The following RIF1 variants were observed in gnomAD, a reference collection of about 807,000 sequenced individuals.
The protein encoded by RIF1 is replication timing regulatory factor 1.
A neutral mutation model predicts 247.1 loss-of-function variants in RIF1; 45 were observed. The ratio of observed to expected loss-of-function variants is 0.18; its 90% confidence interval spans 0.14 to 0.23. RIF1 has a LOEUF of 0.23. RIF1 is among the 10% of genes least tolerant of loss of function. RIF1 has a pLI of 1.00. For synonymous variants in RIF1, 1,087 were observed against 978.8 expected, an observed-to-expected ratio of 1.11 and a Z score of -2.06; for missense variants, 2,967 against 2,862.5, an observed-to-expected ratio of 1.04 and a Z score of -0.83.
At chr2:151,503,244 C>A in intron 12 of RIF1, 1 of 821,018 alleles carries the variant, frequency 1.2e-6, no homozygotes, top group Non-Finnish European at 2.0e-6. Context: ...CACACACAGA[C>A]ACACACAGAA....
chr2:151,414,974 GTA>G (rs1282460911), intron 4 of RIF1, 55 bp downstream of exon 4: 6 of 1,118,638 alleles, frequency 5.4e-6, no homozygotes, highest in Admixed American at 2.0e-5. Flanking sequence ...TAAGTTTTAA[GTA>G]TAAGTAGTTT....
chr2:151,468,283 T>A, intron 31 of RIF1, 137 bp downstream of exon 31: 1 of 929,642 alleles, frequency 1.1e-6, no homozygotes, highest in Non-Finnish European at 1.6e-6. Flanking sequence ...TGGTACACGG[T>A]AAGCAGAAAG....
In RIF1 at chr2:151,445,331, GT is replaced by G. The variant is rs1373090244; in HGVS notation, c.1987-3del. The G allele has an allele frequency of 1.1e-5, 16 of 1,473,998 alleles. No homozygotes were observed. The highest frequency in any genetic ancestry group is 1.4e-5 in the Non-Finnish European group (15 of 1,052,474). 91.3% of individuals were successfully genotyped at this position (1,473,998 alleles called of 1,614,324 possible). ...TTTGTCTAACTTCATTATTTTTCTT[GT>G]TTTAGACCAATGAAGTAAATCAAGG... On this transcript the variant is annotated splice_region_variant and splice_polypyrimidine_tract_variant and intron_variant, in intron 18 of 35. Coordinates refer to ENST00000444746, the MANE Select transcript of RIF1 (RefSeq NM_018151.5).
chr2:151,444,873 G>A (rs1410689320), intron 18 of RIF1, among the ~76,000 whole-genome samples: 1 of 152,148 alleles, frequency 6.6e-6, no homozygotes, highest in Non-Finnish European at 1.5e-5. Context: ...TAAAACTACA[G>A]GGATTTATTC....
chr2:151,455,055 C>T lies in RIF1; in HGVS notation c.2505C>T (p.Thr835=), dbSNP rs150158404. The T allele has an allele frequency of 1.8e-4, 289 of 1,613,674 alleles. No individual in the cohort carries two copies. The highest frequency in any genetic ancestry group is 2.3e-4 in the Non-Finnish European group (270 of 1,179,786). Residue 835 remains threonine (T), a synonymous_variant, in exon 22 of 36, where the codon ACC becomes ACT. Coordinates refer to ENST00000444746, the MANE Select transcript of RIF1 (RefSeq NM_018151.5). ...DTLFTIGNSI[T]GIISSVLGHI... is the part of the protein sequence containing the mutation. ...TCTTCACTATTGGCAACTCAATCAC[C>T]GGCATTATTTCCAGTGTACTTGGGC...
chr2:151,438,579 G>C (rs1691677139), intron 13 of RIF1, 105 bp from the exon 14 acceptor site: 1 of 739,848 alleles, frequency 1.4e-6, no homozygotes, highest in South Asian at 1.5e-5. Context: ...ATTAAGTATT[G>C]TTCAATTTAT....
At chr2:151,497,537 A>G (rs2061048960) in intron 10 of RIF1, 1 of 1,503,478 alleles carries the variant, frequency 6.7e-7, no homozygotes, top group Middle Eastern at 1.8e-4. Context: ...AGTTGTCTTT[A>G]AAAAGTAGGA....
Position 151,464,375 on chromosome 2 carries a change from T to C in RIF1, c.4855T>C (p.Cys1619Arg). The C allele has an allele frequency of 6.2e-7, 1 of 1,609,792 alleles. No homozygotes were observed. Among genetic ancestry groups the C allele is most frequent in the Non-Finnish European group, 8.5e-7 (1 of 1,178,862 alleles). Residue 1619 changes from cysteine (C) to arginine (R), a missense_variant, in exon 30 of 36, where the codon TGC (cysteine) becomes CGC (arginine). Around this residue, in one of 7 missense-constraint regions of RIF1, gnomAD observed 2,028 missense variants for 1,825.6 expected, o/e 1.11. Transcript: ENST00000444746. ...AGATGTAAGCATAAAATCTCCGATT[T>C]GCGAAAAACAAGATGAAAGTAATAC... is the stretch of plus-strand genomic sequence containing the variant. ...EEDVSIKSPICEKQDESNTVI... is the reference protein window; with the variant it reads ...EEDVSIKSPIREKQDESNTVI...
intron 9 of RIF1, chr2:151,491,063 C>G (rs2056195367): frequency 7.0e-6 from 1 of 142,492 alleles, no homozygotes; most frequent in African/African-American, 2.9e-5. Context: ...GAGATGGGGT[C>G]TCTGTTGCTC....
chr2:151,428,997 G>A, intron 9 of RIF1, 75 bp downstream of exon 9: 1 of 977,060 alleles, frequency 1.0e-6, no homozygotes. Flanking sequence ...AGTTTTTCTG[G>A]TTTTTTGGAT....
At chr2:151,525,851 A>T in the RIF1 span, 8 of 843,908 alleles carry the variant, frequency 9.5e-6, no homozygotes, top group African/African-American at 9.9e-5. Flanking sequence ...TATTGATGGT[A>T]AGAGTGAAGC....
At chr2:151,498,399 C>A (rs1222191420) in intron 10 of RIF1, 1 of 1,368,274 alleles carries the variant, frequency 7.3e-7, no homozygotes, top group East Asian at 2.5e-5. Flanking sequence ...ATCAATCAGT[C>A]ATTTTCCCCC....
chr2:151,507,661 G>T, intron 13 of RIF1: 2 of 236,824 alleles, frequency 8.4e-6, no homozygotes, highest in South Asian at 9.1e-5. Context: ...GTTTCTTTGG[G>T]TAGTCATTTC....
the RIF1 span, among the ~76,000 whole-genome samples, chr2:151,515,318 A>G: frequency 2.6e-5 from 4 of 152,156 alleles, no homozygotes; most frequent in Admixed American, 1.3e-4. Flanking sequence ...AGGCAAGGGG[A>G]AAAAAATCGC....
In RIF1 at chr2:151,507,694, G is replaced by A. The variant is rs77630398; in HGVS notation, c.*1028-35G>A. On this transcript the variant is annotated intron_variant and NMD_transcript_variant, in intron 13 of 13. Coordinates refer to the RIF1 transcript ENST00000454583. ...TTCTGAAGCTTTTATTGAATAAATT[G>A]TGTGTCTCTCTTGTTAATCTGTCTT... 39 of 285,716 alleles carry A rather than the reference G, an allele frequency of 1.4e-4. No homozygotes were observed. The East Asian group carries it at 2.4e-3, about 18-fold the overall frequency. 17.7% of individuals were successfully genotyped at this position (285,716 alleles called of 1,614,324 possible).
rs1187873085 is a variant in RIF1, at chr2:151,468,536, C to A, written c.6810C>A (p.Ser2270Arg). The A allele has an allele frequency of 9.3e-6, 15 of 1,612,846 alleles. No individual in the cohort carries two copies. The highest frequency in any genetic ancestry group is 1.3e-5 in the Non-Finnish European group (15 of 1,179,048). Reference sequence around the variant, plus strand: ...GATCACGTAGCCCTAAATTTAAGAGCTCAAAGAAGTGTTTAGTAAGAAGTG... The same window carrying A: ...GATCACGTAGCCCTAAATTTAAGAGATCAAAGAAGTGTTTAGTAAGAAGTG... ...SPGSRSPKFK[S>R]SKKCLISEMA... The change falls in exon 32 of 36, where the codon AGC (serine) becomes AGA (arginine). Residue 2270 changes from serine to arginine, a missense_variant. This residue lies in a region of RIF1 where 2,028 missense variants were observed against 1,825.6 expected (regional missense o/e 1.11). Transcript: ENST00000444746.
Position 151,468,027 on chromosome 2 carries a change from A to G in RIF1, c.6628A>G (p.Ile2210Val), listed in dbSNP as rs375183072. 16 of 1,613,546 alleles carry G rather than the reference A, an allele frequency of 9.9e-6. No individual in the cohort carries two copies. Among genetic ancestry groups the G allele is most frequent in the East Asian group, 2.2e-5 (1 of 44,810 alleles). Residue 2210 changes from isoleucine to valine, a missense_variant, in exon 31 of 36, where the codon ATA becomes GTA. Physicochemically the swap from Ile to Val is conservative, Grantham distance 29 (BLOSUM62 3). This residue lies in a region of RIF1 where 2,028 missense variants were observed against 1,825.6 expected (regional missense o/e 1.11). Coordinates refer to ENST00000444746, the MANE Select transcript of RIF1 (RefSeq NM_018151.5). ...TCGCCGTGTCTCCTTTGCAGATCCA[A>G]TATACCAAGCAGGATTGGCAGATGA... is the stretch of plus-strand genomic sequence containing the variant. ...KVRRVSFADP[I>V]YQAGLADDID...
chr2:151,463,387 G>C lies in RIF1; in HGVS notation c.3867G>C (p.Arg1289=), dbSNP rs759401225. Residue 1289 remains arginine (R), a synonymous_variant, in exon 30 of 36, where the codon CGG becomes CGC. Coordinates refer to ENST00000444746, the MANE Select transcript of RIF1 (RefSeq NM_018151.5). ...TGAATGGAACTAAGAGATCAAGCCG[G>C]AGAGCTGGTAAAGCTGAACAAACAG... ...KIVNGTKRSS[R]RAGKAEQTGN... The C allele has an allele frequency of 3.1e-5, 50 of 1,613,914 alleles. No individual in the cohort carries two copies. The highest frequency in any genetic ancestry group is 4.2e-5 in the Non-Finnish European group (49 of 1,179,994).
chr2:151,496,438 T>C, intron 10 of RIF1: 1 of 1,514,896 alleles, frequency 6.6e-7, no homozygotes, highest in Non-Finnish European at 8.9e-7. Flanking sequence ...GTTTTAAGGG[T>C]AAGGTCAACT....
Sources: allele counts gnomAD v4.1 joint callset (sites outside exome capture counted in the v4.1 genomes callset), GRCh38; gene constraint gnomAD v4.1.1; regional missense constraint gnomAD v4.1.1; transcripts MANE v1.5; gene names NCBI Gene and HGNC (gene_info 2026-07-23, HGNC 2026-07-21).